Variants in POPDC3 observed in about 807,000 individuals in gnomAD.
POPDC3 encodes popeye domain cAMP effector 3, also known as popeye domain-containing protein 3.
Under a neutral mutation model 28.2 loss-of-function variants are expected in POPDC3, and 20 were observed. The ratio of observed to expected loss-of-function variants is 0.71; its 90% CI spans 0.50 to 1.03. POPDC3 has a LOEUF of 1.03. Ranked by LOEUF, POPDC3 falls within the 50% of genes least tolerant of loss-of-function variation. The pLI is 0.00. For missense variants in POPDC3, 316 were observed against 345.9 expected (o/e 0.91, Z 0.69); for synonymous variants, 118 against 124.1 (o/e 0.95, Z 0.33).
At position 105,162,031 on chromosome 6, in the gene POPDC3, G is replaced by A. The variant is rs1774347844; in HGVS notation, c.-122C>T. The A allele has an allele frequency of 6.7e-7, 1 of 1,498,756 alleles. No individual in the cohort carries two copies. The highest frequency in any genetic ancestry group is 8.8e-7 in the Non-Finnish European group (1 of 1,132,616). 92.8% of individuals were successfully genotyped at this position (1,498,756 alleles called of 1,614,324 possible). On this transcript the variant is annotated 5_prime_UTR_variant, in exon 2 of 4. Transcript: ENST00000254765. ...AGTCTTCACAAAACCAGAGAAAACGGACACTGGAGTTGATGCTGATTAAAG... is the reference window on the plus strand; with the variant it reads ...AGTCTTCACAAAACCAGAGAAAACGAACACTGGAGTTGATGCTGATTAAAG...
intron 2 of POPDC3, 67 bp from the exon 3 acceptor site, chr6:105,159,886 G>T: frequency 1.9e-6 from 2 of 1,073,516 alleles, no homozygotes; most frequent in Admixed American, 1.8e-5. Flanking sequence ...GGGAGGGGTG[G>T]GGGGTAGAGG....
chr6:105,170,053 C>T (rs1312736389), intron 1 of POPDC3: 1 of 152,144 alleles, frequency 6.6e-6, no homozygotes, highest in Non-Finnish European at 1.5e-5. Flanking sequence ...GTAGGTCCTA[C>T]CAGTTGAGTC....
chr6:105,179,297 G>A (rs1774737969), intron 1 of POPDC3: 1 of 970,672 alleles, frequency 1.0e-6, no homozygotes, highest in African/African-American at 1.8e-5. Context: ...TGAGAACAGT[G>A]TGAGAGCACT....
chr6:105,172,489 G>A (rs1327873034), intron 1 of POPDC3, among the ~76,000 whole-genome samples: 10 of 150,346 alleles, frequency 6.7e-5, no homozygotes, highest in African/African-American at 1.7e-4. Flanking sequence ...GATTCCTCAG[G>A]GATCTAGAAC....
rs1583000382 is a variant in POPDC3 at position 105,178,806 on chromosome 6, G to A, written c.-252+1027C>T. The A allele has an allele frequency of 3.0e-6, 3 of 984,896 alleles. No homozygotes were observed. In the South Asian group the frequency reaches 1.4e-4, roughly 46 times the overall value. The allele number at this position is 984,896 out of a possible 1,614,324, so 61.0% of individuals were successfully genotyped here. ...CACAAGAGGATATTTTCATGCAACA[G>A]TCCGTAGAATTAAAAACAAGAAGGA... On this transcript the variant is annotated intron_variant, in intron 1 of 3. Transcript: ENST00000254765.
intron 1 of POPDC3, chr6:105,169,007 G>A (rs1471307102): frequency 6.6e-6 from 1 of 152,170 alleles, no homozygotes; most frequent in Non-Finnish European, 1.5e-5. Flanking sequence ...CTGCAGGCTT[G>A]GGAGGTCCTG....
At chr6:105,178,722 A>G in intron 1 of POPDC3, 1 of 985,054 alleles carries the variant, frequency 1.0e-6, no homozygotes, top group Non-Finnish European at 1.2e-6. Flanking sequence ...TTTCTGTCTC[A>G]TGTAGTTCTT....
In POPDC3 at chr6:105,172,445, AAAC is replaced by A. The variant is rs747789955; in HGVS notation, c.-252+7385_-252+7387del. ...ACTTTTACACTGTTGGTGGGACTGT[AAAC>A]TAGTTCAACCATTGTGGAAGTCAGT... On this transcript the variant is annotated intron_variant, in intron 1 of 3. Transcript: ENST00000254765. 2.0e-5 allele frequency among the ~76,000 whole-genome samples: 3 copies of A among 151,206 alleles called. No homozygotes were observed. The South Asian group carries it at 6.3e-4, about 32-fold the overall frequency.
At chr6:105,160,067 A>G in intron 2 of POPDC3, 2 of 318,608 alleles carry the variant, frequency 6.3e-6, no homozygotes, top group East Asian at 1.2e-4. Flanking sequence ...AAAATTCATC[A>G]AGTTGTACAT....
At chr6:105,163,692 C>T (rs542292101) in intron 1 of POPDC3, 1 of 151,894 alleles carries the variant, frequency 6.6e-6, no homozygotes, top group African/African-American at 2.4e-5. Flanking sequence ...AATAAAGGAG[C>T]TGTTGTTGAA....
intron 1 of POPDC3, among the ~76,000 whole-genome samples, chr6:105,170,173 GTTC>G (rs1774548403): frequency 1.3e-5 from 2 of 152,110 alleles, no homozygotes; most frequent in Non-Finnish European, 2.9e-5. Context: ...CTCTGCTCAA[GTTC>G]TTCTGATTTC....
In POPDC3 at chr6:105,161,511, A is replaced by G; in HGVS notation, c.399T>C (p.Ser133=). Residue 133 remains serine (S), a synonymous_variant, in exon 2 of 4, where the codon TCT becomes TCC. Coordinates refer to ENST00000254765, the MANE Select transcript of POPDC3 (RefSeq NM_022361.5). The part of the protein sequence containing the change: ...LPVFRTIALS[S]EVVTLEKEHC... ...GTTCCTTTTCCAAAGTAACCACTTC[A>G]GAGCTCAAAGCAATCGTTCTGAAGA... 1 of 1,614,222 alleles carries G rather than the reference A, an allele frequency of 6.2e-7. No homozygotes were observed. The highest frequency in any genetic ancestry group is 8.5e-7 in the Non-Finnish European group (1 of 1,180,034).
At chr6:105,160,801 G>A (rs1473832423) in intron 2 of POPDC3, among the ~76,000 whole-genome samples, 1 of 150,408 alleles carries the variant, frequency 6.6e-6, no homozygotes, top group Non-Finnish European at 1.5e-5. Flanking sequence ...GAGTTTCACA[G>A]TGTTGGCCAG....
At chr6:105,173,468 C>T (rs1377324017) in intron 1 of POPDC3, among the ~76,000 whole-genome samples, 1 of 152,086 alleles carries the variant, frequency 6.6e-6, no homozygotes, top group Non-Finnish European at 1.5e-5. Flanking sequence ...TAATAATAAC[C>T]AGCATCTGTT....
chr6:105,170,607 TCAA>T (rs1774555820), intron 1 of POPDC3, among the ~76,000 whole-genome samples: 2 of 152,176 alleles, frequency 1.3e-5, no homozygotes, highest in African/African-American at 4.8e-5. Context: ...GCTTATTGTC[TCAA>T]CAACATGACA....
intron 1 of POPDC3, among the ~76,000 whole-genome samples, chr6:105,178,496 T>G (rs984923090): frequency 2.0e-5 from 3 of 152,046 alleles, no homozygotes; most frequent in African/African-American, 7.2e-5. Flanking sequence ...CCCATTTAAA[T>G]GTATAAAATT....
chr6:105,165,688 C>T (rs1007819244), intron 1 of POPDC3, among the ~76,000 whole-genome samples: 1 of 152,182 alleles, frequency 6.6e-6, no homozygotes, highest in Non-Finnish European at 1.5e-5. Context: ...TAAGGGAATC[C>T]TTTTGTCTGT....
chr6:105,173,833 G>C (rs1279639921), intron 1 of POPDC3, among the ~76,000 whole-genome samples: 1 of 138,186 alleles, frequency 7.2e-6, no homozygotes, highest in African/African-American at 2.6e-5. Flanking sequence ...TACAAAATTG[G>C]AAAGAAAAAG....
rs577927936 is a variant in POPDC3 at position 105,160,640 on chromosome 6, T to C, written c.485+785A>G. 8.5e-5 allele frequency among the ~76,000 whole-genome samples: 13 copies of C among 152,330 alleles called. No individual in the cohort carries two copies. The South Asian group carries it at 2.7e-3, about 32-fold the overall frequency. ...TAGAGTCTCGTTCTGTTGCTTAGGCTGAAGTGTAGTGGCGCGATCTCAGCT... is the reference window on the plus strand; with the variant it reads ...TAGAGTCTCGTTCTGTTGCTTAGGCCGAAGTGTAGTGGCGCGATCTCAGCT... On this transcript the variant is annotated intron_variant, in intron 2 of 3. Transcript: ENST00000254765.
Sources: gnomAD v4.1 joint callset for allele counts (sites outside exome capture counted in the v4.1 genomes callset) on GRCh38, gnomAD v4.1.1 for gene constraint, MANE v1.5 for transcripts, NCBI Gene and HGNC (gene_info 2026-07-23, HGNC 2026-07-21) for gene names.